The following RIPOR3 variants were observed in gnomAD, a reference collection of about 807,000 sequenced individuals.
RIPOR3 encodes RIPOR family member 3, also known as family with sequence similarity 65 member C.
RIPOR3 carries 95 observed loss-of-function variants against 114.3 expected under a neutral mutation model. The ratio of observed to expected loss-of-function variants is 0.83; its 90% CI spans 0.70 to 0.99. The LOEUF is 0.99. RIPOR3 is among the 50% of genes least tolerant of loss of function. The pLI is 0.00. For synonymous variants in RIPOR3, 575 were observed against 543.8 expected (o/e 1.06, Z -0.80); for missense variants, 1,252 against 1,266.9 (o/e 0.99, Z 0.18).
At chr20:50,682,443 C>T (rs916435082) in intron 1 of RIPOR3, among the ~76,000 whole-genome samples, 1 of 152,048 alleles carries the variant, frequency 6.6e-6, no homozygotes, top group Non-Finnish European at 1.5e-5. Context: ...GGCAAAGCCC[C>T]GTCTCTACAA....
intron 1 of RIPOR3, among the ~76,000 whole-genome samples, chr20:50,675,190 T>C (rs2086643823): frequency 1.3e-5 from 2 of 152,140 alleles, no homozygotes; most frequent in African/African-American, 4.8e-5. Flanking sequence ...AAAGGATTCT[T>C]CCTTAGAGTC....
chr20:50,682,444 G>A (rs1018005629), intron 1 of RIPOR3, among the ~76,000 whole-genome samples: 5 of 152,040 alleles, frequency 3.3e-5, no homozygotes, highest in South Asian at 2.1e-4. Context: ...GCAAAGCCCC[G>A]TCTCTACAAA....
chr20:50,691,199 C>T lies in RIPOR3; in HGVS notation c.-71G>A. 7 of 1,289,254 alleles carry T rather than the reference C, an allele frequency of 5.4e-6. No individual in the cohort carries two copies. Among genetic ancestry groups the T allele is most frequent in the Non-Finnish European group, 7.1e-6 (7 of 988,736 alleles). The allele number at this position is 1,289,254 out of a possible 1,614,324, so 79.9% of individuals were successfully genotyped here. ...AGCTGCCTCACTTTCCCTATTGCCG[C>T]CAGCAAGCGTCTGCTCCCATCTGGC... On this transcript the variant is annotated 5_prime_UTR_variant, in exon 1 of 22. The change creates a premature stop within an existing upstream ORF in the 5' untranslated region. Transcript: ENST00000327979.
intron 11 of RIPOR3, among the ~76,000 whole-genome samples, chr20:50,605,796 A>G (rs1156821202): frequency 2.6e-5 from 4 of 151,982 alleles, no homozygotes; most frequent in Admixed American, 6.5e-5. Context: ...AAGAAAAAAA[A>G]AAAAAGCAAA....
At chr20:50,615,440 GT>G (rs1193103346) in intron 4 of RIPOR3, among the ~76,000 whole-genome samples, 1 of 149,056 alleles carries the variant, frequency 6.7e-6, no homozygotes, top group Non-Finnish European at 1.5e-5. Context: ...TAAAAGGATC[GT>G]TTGAGCCCAG....
In RIPOR3 at chr20:50,666,223, T is replaced by TTTTCTTTTCTTTTCTTTTCTTTTCTTTTC. The variant is rs1555873441; in HGVS notation, c.3+24902_3+24903insGAAAAGAAAAGAAAAGAAAAGAAAAGAAA. 3.1e-4 allele frequency among the ~76,000 whole-genome samples: 33 copies of TTTTCTTTTCTTTTCTTTTCTTTTCTTTTC among 105,050 alleles called. 3 individuals are homozygous for TTTTCTTTTCTTTTCTTTTCTTTTCTTTTC. The highest frequency in any genetic ancestry group is 6.4e-4 in the African/African-American group (17 of 26,678). 68.9% of individuals were successfully genotyped at this position (105,050 alleles called of 152,430 possible). ...TTTTCTTTTCTTTTCTTTTCTTTTCTTTTTTGAGACGGAGTCACGCTCTGT... is the reference window on the plus strand; with the variant it reads ...TTTTCTTTTCTTTTCTTTTCTTTTCTTTTCTTTTCTTTTCTTTTCTTTTCTTTTCTTTTTGAGACGGAGTCACGCTCTGT... On this transcript the variant is annotated intron_variant, in intron 1 of 21. Coordinates refer to ENST00000327979, the MANE Select transcript of RIPOR3 (RefSeq NM_001290268.2).
chr20:50,621,820 C>G (rs1227745888), intron 2 of RIPOR3, among the ~76,000 whole-genome samples: 1 of 152,202 alleles, frequency 6.6e-6, no homozygotes, highest in Non-Finnish European at 1.5e-5. Flanking sequence ...CTTAAGCCAG[C>G]TGGAGTTGGG....
intron 1 of RIPOR3, among the ~76,000 whole-genome samples, chr20:50,658,006 C>T (rs562903213): frequency 2.8e-4 from 42 of 152,098 alleles, no homozygotes; most frequent in African/African-American, 1.0e-3. Context: ...CTCAAGTGCT[C>T]CTCCTACCTC....
chr20:50,687,535 G>C (rs773302389), intron 1 of RIPOR3, among the ~76,000 whole-genome samples: 4 of 152,202 alleles, frequency 2.6e-5, no homozygotes, highest in African/African-American at 9.7e-5. Flanking sequence ...TGAGTGTGTG[G>C]TGCACAAGTG....
At chr20:50,640,966 A>G (rs2085169985) in intron 1 of RIPOR3, among the ~76,000 whole-genome samples, 1 of 148,094 alleles carries the variant, frequency 6.8e-6, no homozygotes, top group Non-Finnish European at 1.5e-5. Context: ...CTGGAGTGCA[A>G]TGGCGCAATC....
intron 1 of RIPOR3, chr20:50,636,881 T>C: frequency 1.0e-6 from 1 of 985,430 alleles, no homozygotes; most frequent in Non-Finnish European, 1.2e-6. Context: ...AACATCTAAA[T>C]TTAACGTTAT....
chr20:50,610,219 ACCTGCCTCTCCTGCCTCTCCTGCCACC>A (rs1568855702), intron 6 of RIPOR3, among the ~76,000 whole-genome samples: 94 of 136,044 alleles, frequency 6.9e-4, no homozygotes, highest in Non-Finnish European at 1.3e-3. Context: ...ACCCTGTCTC[ACCTGCCTCTCCTGCCTCTCCTGCCACC>A]CCTGCCTCAC....
chr20:50,618,950 C>T (rs536649334), intron 3 of RIPOR3, among the ~76,000 whole-genome samples: 1 of 152,282 alleles, frequency 6.6e-6, no homozygotes, highest in South Asian at 2.1e-4. Flanking sequence ...GTAGCTCACA[C>T]CTGTAATCTC....
At chr20:50,656,762 T>G (rs2085826299) in intron 1 of RIPOR3, among the ~76,000 whole-genome samples, 1 of 152,140 alleles carries the variant, frequency 6.6e-6, no homozygotes, top group Non-Finnish European at 1.5e-5. Context: ...CCTCCCAAAG[T>G]GCTGGGATTA....
In RIPOR3 at chr20:50,604,010, C is replaced by T. The variant is rs142156935; in HGVS notation, c.1086+635G>A. ...CAGCCTGGCTAACATGGTGAAACCC[C>T]GTCTCTACTAAAAATACGAAAATTA... On this transcript the variant is annotated intron_variant, in intron 12 of 21. Coordinates refer to ENST00000327979, the MANE Select transcript of RIPOR3 (RefSeq NM_001290268.2). Among the ~76,000 whole-genome samples, 1,450 of 152,008 alleles carry T rather than the reference C, an allele frequency of 9.5e-3. 27 individuals are homozygous for T. Among genetic ancestry groups the T allele is most frequent in the African/African-American group, 0.032 (1,342 of 41,446 alleles).
intron 9 of RIPOR3, 54 bp downstream of exon 9, chr20:50,608,858 C>A: frequency 6.2e-7 from 1 of 1,605,240 alleles, no homozygotes; most frequent in Non-Finnish European, 8.5e-7. Context: ...CAGCTCCCGT[C>A]CCCCAAAGAC....
chr20:50,650,819 A>AC (rs1347656749), intron 1 of RIPOR3, among the ~76,000 whole-genome samples: 2 of 152,144 alleles, frequency 1.3e-5, no homozygotes, highest in Non-Finnish European at 2.9e-5. Flanking sequence ...GACTTCTCTA[A>AC]CCCGTAATAC....
intron 1 of RIPOR3, among the ~76,000 whole-genome samples, chr20:50,644,240 G>A (rs767054767): frequency 4.7e-4 from 72 of 152,250 alleles, no homozygotes; most frequent in Admixed American, 6.5e-4. Context: ...CCAAAGCGCC[G>A]GGATTACAGG....
Position 50,671,912 on chromosome 20 carries a change from A to AGATG in RIPOR3, c.3+19210_3+19213dup, listed in dbSNP as rs145609490. Among the ~76,000 whole-genome samples, 915 of 142,832 alleles carry AGATG rather than the reference A, an allele frequency of 6.4e-3. 17 individuals are homozygous for AGATG. The highest frequency in any genetic ancestry group is 0.023 in the African/African-American group (841 of 37,110). The allele number at this position is 142,832 out of a possible 152,430, so 93.7% of individuals were successfully genotyped here. ...TAGATGGATGGGTGGAAGGAAGAAA[A>AGATG]GATGGATGGATGGATGGATGGATGG... On this transcript the variant is annotated intron_variant, in intron 1 of 21. Coordinates refer to ENST00000327979, the MANE Select transcript of RIPOR3 (RefSeq NM_001290268.2).
Sources: allele counts gnomAD v4.1 joint callset (sites outside exome capture counted in the v4.1 genomes callset), GRCh38; gene constraint gnomAD v4.1.1; transcripts MANE v1.5; gene names NCBI Gene and HGNC (gene_info 2026-07-23, HGNC 2026-07-21).